USP48: variants seen among roughly 807,000 people sequenced by gnomAD.
USP48 encodes the protein ubiquitin specific peptidase 48, also known as ubiquitin carboxyl-terminal hydrolase 48.
A neutral mutation model predicts 150.7 loss-of-function variants in USP48; 43 were observed. The observed-to-expected ratio is 0.29, with a 90% confidence interval of 0.22 to 0.37. The LOEUF (loss-of-function observed/expected upper bound fraction) is 0.37. Ranked by LOEUF, USP48 falls within the 10% of genes least tolerant of loss-of-function variation. The probability of loss-of-function intolerance (pLI) is 1.00; values close to 1 mark genes in which losing one functional copy is unlikely to be tolerated. For missense variants in USP48, 813 were observed against 1,249.6 expected (o/e 0.65, Z 5.27); for synonymous variants, 396 against 425.9 (o/e 0.93, Z 0.86).
intron 21 of USP48, among the ~76,000 whole-genome samples, chr1:21,702,870 C>T (rs996460534): frequency 1.3e-5 from 2 of 152,250 alleles, no homozygotes; most frequent in Non-Finnish European, 2.9e-5. Flanking sequence ...GTGACTACTG[C>T]AGTGCGCAGC....
At chr1:21,770,846 G>T (rs1176038998) in intron 1 of USP48, among the ~76,000 whole-genome samples, 1 of 151,896 alleles carries the variant, frequency 6.6e-6, no homozygotes, top group Non-Finnish European at 1.5e-5. Context: ...TTTCAAGCTG[G>T]CTACAGTGGC....
chr1:21,773,576 G>A (rs909345789), intron 1 of USP48, among the ~76,000 whole-genome samples: 1 of 152,128 alleles, frequency 6.6e-6, no homozygotes, highest in Non-Finnish European at 1.5e-5. Flanking sequence ...GCTATTTTTC[G>A]CTAATCAGAT....
chr1:21,763,584 C>T (rs1422386629), intron 1 of USP48, among the ~76,000 whole-genome samples: 1 of 152,194 alleles, frequency 6.6e-6, no homozygotes, highest in Non-Finnish European at 1.5e-5. Context: ...GAGGCCAAGG[C>T]GGGCAGATCA....
chr1:21,758,523 G>A (rs1373740521), intron 1 of USP48, among the ~76,000 whole-genome samples: 1 of 152,104 alleles, frequency 6.6e-6, no homozygotes, highest in African/African-American at 2.4e-5. Context: ...CAGCACTTTG[G>A]GAGGCTGAGG....
intron 9 of USP48, among the ~76,000 whole-genome samples, chr1:21,735,844 C>T (rs183579571): frequency 5.1e-4 from 75 of 147,840 alleles, no homozygotes; most frequent in Non-Finnish European, 9.3e-4. Flanking sequence ...GCCGAAATCT[C>T]GCCATTGCAC....
rs2097673119 is a variant in USP48, at chr1:21,706,552, T to C, written c.2126A>G (p.His709Arg). 2.5e-6 allele frequency: 4 copies of C among 1,614,098 alleles called. No individual in the cohort carries two copies. Among genetic ancestry groups the C allele is most frequent in the Non-Finnish European group, 3.4e-6 (4 of 1,180,042 alleles). ...CTTTTGCTCGTTTGCAATCATCTTA[T>C]GTAAGGCTTCATTTTCTTCCCCTTC... Reference protein sequence around the residue: ...EREGEENEALHKMIANEQKTS... With the variant: ...EREGEENEALRKMIANEQKTS... The change falls in exon 17 of 27, where the codon CAT becomes CGT. Residue 709 changes from histidine (H) to arginine (R), a missense_variant. Coordinates refer to ENST00000308271, the MANE Select transcript of USP48 (RefSeq NM_032236.8).
At chr1:21,757,627 C>T in intron 2 of USP48, 36 bp downstream of exon 2, 1 of 1,580,986 alleles carries the variant, frequency 6.3e-7, no homozygotes, top group South Asian at 1.2e-5. Context: ...AAACAAAAAA[C>T]AGCATATAGC....
chr1:21,752,159 G>C (rs535160498), intron 5 of USP48, among the ~76,000 whole-genome samples: 3 of 152,276 alleles, frequency 2.0e-5, no homozygotes, highest in African/African-American at 7.2e-5. Context: ...GTGAAGTCTA[G>C]GTTTTAATGT....
rs143108031 is a variant in USP48 at position 21,696,205 on chromosome 1, G to A, written c.2728-984C>T. 3.4e-3 allele frequency among the ~76,000 whole-genome samples: 514 copies of A among 152,216 alleles called. 1 individual carries two copies. Among genetic ancestry groups the A allele is most frequent in the African/African-American group, 0.012 (486 of 41,532 alleles). On this transcript the variant is annotated intron_variant, in intron 22 of 26. Coordinates refer to ENST00000308271, the MANE Select transcript of USP48 (RefSeq NM_032236.8). ...TGTAATCCCAACACTCTGGGAGGCC[G>A]AAGTGGGCAGATCACCTGAGGTCAG...
chr1:21,719,837 C>T (rs1471715252), intron 14 of USP48, among the ~76,000 whole-genome samples: 3 of 152,076 alleles, frequency 2.0e-5, no homozygotes, highest in Non-Finnish European at 4.4e-5. Flanking sequence ...GGAGCCGAGA[C>T]TGCGTCACTG....
intron 8 of USP48, among the ~76,000 whole-genome samples, chr1:21,743,956 T>G (rs2097787952): frequency 6.6e-6 from 1 of 152,086 alleles, no homozygotes; most frequent in Admixed American, 6.6e-5. Flanking sequence ...AAAAAAGAAG[T>G]TGCTACTGGG....
intron 20 of USP48, 44 bp downstream of exon 20, chr1:21,704,218 G>A: frequency 6.3e-7 from 1 of 1,582,844 alleles, no homozygotes; most frequent in Non-Finnish European, 8.6e-7. Flanking sequence ...TTCTTAAAAT[G>A]TCAGCTCTTA....
intron 26 of USP48, among the ~76,000 whole-genome samples, chr1:21,680,439 T>G (rs2152488181): frequency 6.6e-6 from 1 of 152,334 alleles, no homozygotes; most frequent in East Asian, 1.9e-4. Flanking sequence ...CACTAATTCT[T>G]AATAGTTACA....
At chr1:21,766,775 T>C (rs952406178) in intron 1 of USP48, among the ~76,000 whole-genome samples, 1 of 151,824 alleles carries the variant, frequency 6.6e-6, no homozygotes, top group Non-Finnish European at 1.5e-5. Flanking sequence ...GCTCAAGACA[T>C]TCTCCTGCCC....
At chr1:21,708,903 GAAAGAAAAGA>G (rs1272167405) in intron 15 of USP48, among the ~76,000 whole-genome samples, 1,847 of 50,106 alleles carry the variant, frequency 0.037, 97 homozygotes, top group Admixed American at 0.16. Context: ...AAAAAAAAAA[GAAAGAAAAGA>G]AAAGAAAAGA....
intron 25 of USP48, among the ~76,000 whole-genome samples, chr1:21,685,269 T>C (rs1269750545): frequency 8.5e-5 from 13 of 152,136 alleles, no homozygotes; most frequent in Admixed American, 7.2e-4. Context: ...GTTAAATTTA[T>C]TCCTAAGTAT....
chr1:21,780,143 G>A (rs1011303518), intron 1 of USP48, among the ~76,000 whole-genome samples: 2 of 152,148 alleles, frequency 1.3e-5, no homozygotes, highest in African/African-American at 2.4e-5. Context: ...TAAGCAAAAG[G>A]TGGAAATAAT....
chr1:21,688,511 G>A (rs1465639596), intron 24 of USP48, among the ~76,000 whole-genome samples: 3 of 151,400 alleles, frequency 2.0e-5, no homozygotes, highest in Admixed American at 1.3e-4. Flanking sequence ...GAGCCACTGC[G>A]CCCAGTGAAA....
chr1:21,757,376 G>A (rs548401218), intron 2 of USP48: 8 of 228,280 alleles, frequency 3.5e-5, no homozygotes, highest in East Asian at 1.8e-4. Flanking sequence ...TTAAAGAGGC[G>A]TTAAGATTTC....
Sources: allele counts gnomAD v4.1 joint callset (sites outside exome capture counted in the v4.1 genomes callset), GRCh38; gene constraint gnomAD v4.1.1; transcripts MANE v1.5; gene names NCBI Gene and HGNC (gene_info 2026-07-23, HGNC 2026-07-21).